The following MCC variants were observed in gnomAD, a reference collection of about 807,000 sequenced individuals.
The protein encoded by MCC is MCC regulator of Wnt signaling pathway.
A neutral mutation model predicts 116.2 loss-of-function variants in MCC; 90 were observed. The ratio of observed to expected loss-of-function variants is 0.77; its 90% CI spans 0.65 to 0.92. The LOEUF (loss-of-function observed/expected upper bound fraction) is 0.92. Among genes scored for constraint, MCC ranks in the 40% least tolerant of loss-of-function variants. The probability of loss-of-function intolerance (pLI) is 0.00; values close to 1 mark genes in which losing one functional copy is unlikely to be tolerated. For synonymous variants in MCC, 578 were observed against 510.5 expected (o/e 1.13, Z -1.78); for missense variants, 1,516 against 1,312.2 (o/e 1.16, Z -2.40).
At chr5:113,089,933 G>A (rs902311349) in intron 8 of MCC, among the ~76,000 whole-genome samples, 5 of 152,164 alleles carry the variant, frequency 3.3e-5, no homozygotes, top group Admixed American at 6.5e-5. Flanking sequence ...GACAATGTCC[G>A]GAGCTGACAA....
chr5:113,356,195 C>A (rs1302954566), intron 2 of MCC, among the ~76,000 whole-genome samples: 1 of 151,486 alleles, frequency 6.6e-6, no homozygotes, highest in Non-Finnish European at 1.5e-5. Flanking sequence ...CTCAGCCTCT[C>A]GAGTAGCCTG....
intron 6 of MCC, among the ~76,000 whole-genome samples, chr5:113,116,202 A>C (rs1415522302): frequency 1.3e-5 from 2 of 152,200 alleles, no homozygotes; most frequent in African/African-American, 4.8e-5. Flanking sequence ...CCTCATGCTA[A>C]CAGGAGTGAG....
chr5:113,064,839 G>T (rs1264711725), intron 13 of MCC, among the ~76,000 whole-genome samples: 1 of 152,150 alleles, frequency 6.6e-6, no homozygotes, highest in Non-Finnish European at 1.5e-5. Context: ...TGCCCAAAAT[G>T]TTCACATTCC....
At chr5:113,057,819 G>A (rs1337806217) in intron 14 of MCC, among the ~76,000 whole-genome samples, 2 of 152,236 alleles carry the variant, frequency 1.3e-5, no homozygotes, top group East Asian at 1.9e-4. Context: ...AGGCGAACGC[G>A]CGACAAAATT....
At chr5:113,469,893 T>C (rs898372273) in intron 1 of MCC, among the ~76,000 whole-genome samples, 36 of 152,182 alleles carry the variant, frequency 2.4e-4, no homozygotes, top group African/African-American at 7.2e-4. Flanking sequence ...ATATTTAGGA[T>C]AGTTAGCTCT....
chr5:113,285,886 ATG>A (rs1163447328), intron 3 of MCC, among the ~76,000 whole-genome samples: 1 of 152,246 alleles, frequency 6.6e-6, no homozygotes, highest in Non-Finnish European at 1.5e-5. Flanking sequence ...TTGACTGAAT[ATG>A]TGAACGGTTA....
intron 8 of MCC, among the ~76,000 whole-genome samples, chr5:113,090,597 C>T (rs541706709): frequency 6.6e-6 from 1 of 152,158 alleles, no homozygotes; most frequent in Non-Finnish European, 1.5e-5. Flanking sequence ...TGATGAAAGA[C>T]ACAGAATAAA....
chr5:113,302,969 T>C (rs1389614798), intron 3 of MCC, among the ~76,000 whole-genome samples: 2 of 152,198 alleles, frequency 1.3e-5, no homozygotes, highest in African/African-American at 2.4e-5. Context: ...ACTTGAGATG[T>C]ATTTTTTAGG....
chr5:113,434,593 G>T lies in MCC; in HGVS notation c.171-49381C>A. 6.2e-7 allele frequency: 1 copy of T among 1,613,960 alleles called. No homozygotes were observed. Among genetic ancestry groups the T allele is most frequent in the Non-Finnish European group, 8.5e-7 (1 of 1,179,898 alleles). On this transcript the variant is annotated intron_variant, in intron 1 of 18. Transcript: ENST00000408903. The surrounding 1 kb of genome is among the most constrained non-coding windows in gnomAD (Gnocchi z 4.2). ...TCCATGACGATGTAGACCTTGCCAT[G>T]TGATGTCTCAAAGATCTCGTAGGTC... is the stretch of plus-strand genomic sequence containing the variant.
rs1164919072 is a variant in MCC, at chr5:113,101,395, TC to T, written c.1398+343del. 1.4e-3 allele frequency: 270 copies of T among 188,100 alleles called. 3 individuals carry two copies. The highest frequency in any genetic ancestry group is 5.6e-3 in the African/African-American group (237 of 42,056). 11.7% of individuals were successfully genotyped at this position (188,100 alleles called of 1,614,324 possible). A position where few individuals can be genotyped will look rare whatever the true frequency, so the allele number is the denominator to read the frequency against. On this transcript the variant is annotated intron_variant, in intron 8 of 18. Coordinates refer to ENST00000408903, the MANE Select transcript of MCC (RefSeq NM_001085377.2). ...AAAGGTAAAATTCCATTTTTTTTTT[TC>T]AAATTCTAAAGACTATTAGTTTATC... is the stretch of plus-strand genomic sequence containing the variant.
chr5:113,433,460 G>A (rs1770730103), intron 1 of MCC: 2 of 609,536 alleles, frequency 3.3e-6, no homozygotes, highest in Non-Finnish European at 5.9e-6. Context: ...GGGACCCTCT[G>A]CTGAGACAGG....
intron 6 of MCC, among the ~76,000 whole-genome samples, chr5:113,118,111 A>G (rs1757495939): frequency 6.6e-6 from 1 of 152,236 alleles, no homozygotes. Context: ...TCCTGATTTT[A>G]CAGATGAAGA....
At chr5:113,378,449 C>G (rs544860962) in intron 2 of MCC, among the ~76,000 whole-genome samples, 46 of 152,254 alleles carry the variant, frequency 3.0e-4, no homozygotes, top group African/African-American at 1.0e-3. Flanking sequence ...GAAATTGTGC[C>G]TGGTGTTCTA....
At chr5:113,309,108 C>A (rs111631088) in intron 3 of MCC, among the ~76,000 whole-genome samples, 8 of 152,182 alleles carry the variant, frequency 5.3e-5, no homozygotes, top group Non-Finnish European at 8.8e-5. Context: ...CATGCTCTTA[C>A]AGAATTTCCT....
At chr5:113,206,485 C>A (rs957185637) in intron 3 of MCC, among the ~76,000 whole-genome samples, 2 of 152,174 alleles carry the variant, frequency 1.3e-5, no homozygotes, top group Non-Finnish European at 2.9e-5. Flanking sequence ...GAGGCTGAGG[C>A]AGGCCTCCCA....
intron 1 of MCC, among the ~76,000 whole-genome samples, chr5:113,474,476 T>C (rs1004308088): frequency 6.6e-6 from 1 of 152,098 alleles, no homozygotes; most frequent in Non-Finnish European, 1.5e-5. Flanking sequence ...CAGCAAGAGA[T>C]AATGCTGGAG....
chr5:113,394,987 C>T (rs531483826), intron 1 of MCC, among the ~76,000 whole-genome samples: 17 of 152,124 alleles, frequency 1.1e-4, no homozygotes, highest in Non-Finnish European at 1.8e-4. Context: ...ATATGGCCCA[C>T]AAAACCAAAA....
At chr5:113,413,075 A>T (rs1275026767) in intron 1 of MCC, among the ~76,000 whole-genome samples, 1 of 152,164 alleles carries the variant, frequency 6.6e-6, no homozygotes, top group African/African-American at 2.4e-5. Flanking sequence ...GATTACGTTG[A>T]TTGATTTGCG....
At chr5:113,246,094 T>C (rs1305060297) in intron 3 of MCC, among the ~76,000 whole-genome samples, 1 of 152,206 alleles carries the variant, frequency 6.6e-6, no homozygotes, top group Non-Finnish European at 1.5e-5. Context: ...CATTTAGATT[T>C]AGTTATAAAA....
Sources: allele counts gnomAD v4.1 joint callset (sites outside exome capture counted in the v4.1 genomes callset), GRCh38; gene constraint gnomAD v4.1.1; non-coding constraint Gnocchi (gnomAD v3.1); transcripts MANE v1.5; gene names NCBI Gene and HGNC (gene_info 2026-07-23, HGNC 2026-07-21).